GALNT2: variants seen among roughly 807,000 people sequenced by gnomAD.
GALNT2 encodes UDP-GalNAc:polypeptide N-acetylgalactosaminyltransferase 2.
A neutral mutation model predicts 81.4 loss-of-function variants in GALNT2; 31 were observed. That is an observed-to-expected ratio of 0.38 (90% CI 0.29 to 0.51). The LOEUF (loss-of-function observed/expected upper bound fraction) is 0.51, where lower values mean the gene tolerates loss of function less well. GALNT2 is among the 20% of genes least tolerant of loss of function. GALNT2 has a pLI of 0.87. For synonymous variants in GALNT2, 303 were observed against 287.4 expected (o/e 1.05, Z -0.55); for missense variants, 629 against 765.7 (o/e 0.82, Z 2.11).
intron 1 of GALNT2, among the ~76,000 whole-genome samples, chr1:230,073,998 A>G (rs1185918544): frequency 6.6e-6 from 1 of 152,132 alleles, no homozygotes; most frequent in Non-Finnish European, 1.5e-5. Flanking sequence ...TCCAGAGTTC[A>G]GGTCAGGACA....
chr1:230,130,494 G>A (rs751444802), intron 1 of GALNT2, among the ~76,000 whole-genome samples: 10 of 152,180 alleles, frequency 6.6e-5, no homozygotes, highest in Non-Finnish European at 1.3e-4. Flanking sequence ...TGTTGGATGA[G>A]GTGCTTCAAG....
chr1:230,079,683 G>A (rs1277877403), intron 1 of GALNT2, among the ~76,000 whole-genome samples: 2 of 152,222 alleles, frequency 1.3e-5, no homozygotes, highest in Admixed American at 1.3e-4. Flanking sequence ...AACTGCTGAT[G>A]TGGATGATCG....
intron 1 of GALNT2, among the ~76,000 whole-genome samples, chr1:230,167,681 G>A (rs960544061): frequency 2.0e-5 from 3 of 152,196 alleles, no homozygotes; most frequent in African/African-American, 4.8e-5. Context: ...ACTGCCGAGC[G>A]TGGAGGAGCG....
At chr1:230,125,214 A>T (rs1281221825) in intron 1 of GALNT2, among the ~76,000 whole-genome samples, 1 of 152,248 alleles carries the variant, frequency 6.6e-6, no homozygotes, top group Non-Finnish European at 1.5e-5. Flanking sequence ...ATGAAGATGC[A>T]ATAACCCATC....
chr1:230,092,270 T>C (rs1463639616), intron 1 of GALNT2, among the ~76,000 whole-genome samples: 1 of 150,744 alleles, frequency 6.6e-6, no homozygotes, highest in Non-Finnish European at 1.5e-5. Flanking sequence ...AGCTACTTTC[T>C]AAATCATCAG....
intron 1 of GALNT2, among the ~76,000 whole-genome samples, chr1:230,174,141 G>A (rs763189717): frequency 2.0e-5 from 3 of 152,302 alleles, no homozygotes; most frequent in Admixed American, 1.3e-4. Flanking sequence ...TGTGCAAGAG[G>A]CATTGAGCCC....
chr1:230,179,450 C>T (rs1417525878), intron 2 of GALNT2, among the ~76,000 whole-genome samples: 1 of 152,232 alleles, frequency 6.6e-6, no homozygotes, highest in African/African-American at 2.4e-5. Flanking sequence ...TCTCTACATC[C>T]TCACCAGCAT....
At chr1:230,065,499 T>C (rs553045667), upstream of GALNT2, among the ~76,000 whole-genome samples, 44 of 152,372 alleles carry the variant, frequency 2.9e-4, no homozygotes, top group African/African-American at 1.0e-3. Context: ...ACAATTTTCT[T>C]ATGCTTCATG....
At chr1:230,068,683 C>T (rs935153966) in intron 1 of GALNT2, among the ~76,000 whole-genome samples, 4 of 152,116 alleles carry the variant, frequency 2.6e-5, no homozygotes, top group Non-Finnish European at 4.4e-5. Context: ...TCATTCATAG[C>T]CGAAGATGTT....
intron 1 of GALNT2, among the ~76,000 whole-genome samples, chr1:230,068,885 A>G (rs1293937625): frequency 3.3e-5 from 5 of 152,206 alleles, no homozygotes; most frequent in South Asian, 2.1e-4. Context: ...TTATTCTTGA[A>G]CAGCAAAGAG....
intron 3 of GALNT2, among the ~76,000 whole-genome samples, chr1:230,224,987 A>C (rs4846846): frequency 7.8e-4 from 118 of 152,220 alleles, no homozygotes; most frequent in Non-Finnish European, 4.7e-4. Context: ...AGCTAATTCA[A>C]ATCTCCTGTT....
chr1:230,129,979 G>A (rs924217310), intron 1 of GALNT2, among the ~76,000 whole-genome samples: 2 of 152,204 alleles, frequency 1.3e-5, no homozygotes, highest in African/African-American at 2.4e-5. Context: ...TACGCTGAAC[G>A]GGCACAATTG....
At chr1:230,104,923 T>G (rs1383290191) in intron 1 of GALNT2, among the ~76,000 whole-genome samples, 4 of 152,210 alleles carry the variant, frequency 2.6e-5, no homozygotes, top group Non-Finnish European at 5.9e-5. Flanking sequence ...GTTTTGCAAC[T>G]GCATACTCGG....
At chr1:230,150,488 T>C (rs1018144581) in intron 1 of GALNT2, among the ~76,000 whole-genome samples, 9 of 152,258 alleles carry the variant, frequency 5.9e-5, no homozygotes, top group Non-Finnish European at 1.0e-4. Flanking sequence ...TCTGCCCGCT[T>C]TGTTTTTGTC....
chr1:230,138,053 C>T (rs191591156), intron 1 of GALNT2, among the ~76,000 whole-genome samples: 46 of 152,258 alleles, frequency 3.0e-4, no homozygotes, highest in Non-Finnish European at 4.7e-4. Context: ...CCTTGCATGT[C>T]GTTGCGTGCG....
chr1:230,063,692 C>T (rs1217279154), upstream of GALNT2, among the ~76,000 whole-genome samples: 1 of 152,178 alleles, frequency 6.6e-6, no homozygotes, highest in Admixed American at 6.5e-5. Flanking sequence ...CTTTGCAGAT[C>T]AAATCCTAAT....
At position 230,271,404 on chromosome 1, in the gene GALNT2, C is replaced by A. The variant is rs1047036226; in HGVS notation, c.1441-3041C>A. Among the ~76,000 whole-genome samples, 1 of 152,186 alleles carries A rather than the reference C, an allele frequency of 6.6e-6. No homozygotes were observed. Among genetic ancestry groups the A allele is most frequent in the African/African-American group, 2.4e-5 (1 of 41,444 alleles). On this transcript the variant is annotated intron_variant, in intron 14 of 15. Transcript: ENST00000366672. This position sits in a 1 kb window ranked among gnomAD's most constrained non-coding sequence, Gnocchi z 4.2. ...TGTGGGCTTTTCCCCCCACACCAAG[C>A]AATTCTCCAATTCTCCAATTCTCTG...
At chr1:230,258,235 T>G (rs1458832481) in intron 11 of GALNT2, among the ~76,000 whole-genome samples, 1 of 150,566 alleles carries the variant, frequency 6.6e-6, no homozygotes, top group East Asian at 1.9e-4. Flanking sequence ...TTTTTGGTTT[T>G]TTTTCTTTTT....
At chr1:230,101,765 C>T (rs1660409488) in intron 1 of GALNT2, among the ~76,000 whole-genome samples, 1 of 152,180 alleles carries the variant, frequency 6.6e-6, no homozygotes, top group Non-Finnish European at 1.5e-5. Flanking sequence ...ATTCTTGTTC[C>T]TCCTGAGAAT....
Sources: allele counts gnomAD v4.1 joint callset (sites outside exome capture counted in the v4.1 genomes callset), GRCh38; gene constraint gnomAD v4.1.1; non-coding constraint Gnocchi (gnomAD v3.1); transcripts MANE v1.5; gene names NCBI Gene and HGNC (gene_info 2026-07-23, HGNC 2026-07-21).